CHLSN: variants seen among roughly 807,000 people sequenced by gnomAD.
CHLSN encodes the protein cholesin, also known as protein cholesin.
the CHLSN span, chr7:1,091,613 C>G: frequency 2.3e-6 from 2 of 872,072 alleles, no homozygotes; most frequent in African/African-American, 3.4e-5. Flanking sequence ...TCCTGTCTGA[C>G]AAATGCCAGG....
the CHLSN span, among the ~76,000 whole-genome samples, chr7:1,008,884 G>A: frequency 9.6e-6 from 1 of 103,984 alleles, no homozygotes; most frequent in African/African-American, 5.0e-5. Flanking sequence ...CGCAACACTC[G>A]TATACACATG....
the CHLSN span, among the ~76,000 whole-genome samples, chr7:1,051,685 A>G: frequency 6.6e-6 from 1 of 152,262 alleles, no homozygotes; most frequent in Admixed American, 6.5e-5. Flanking sequence ...TTTAAAAAAC[A>G]AAAACAGGTC....
chr7:1,094,653 A>C, the CHLSN span, among the ~76,000 whole-genome samples: 2 of 152,064 alleles, frequency 1.3e-5, no homozygotes, highest in African/African-American at 4.8e-5. Context: ...TCCATGGGAC[A>C]TAACATAACC....
the CHLSN span, among the ~76,000 whole-genome samples, chr7:1,063,420 G>C: frequency 6.6e-6 from 1 of 152,192 alleles, no homozygotes; most frequent in Non-Finnish European, 1.5e-5. Flanking sequence ...GCTGCTCCTG[G>C]GGTGTGCGTC....
At chr7:1,135,969 G>GTATATATAAATATATAAGTATATATAAA in the CHLSN span, among the ~76,000 whole-genome samples, 1 of 91,610 alleles carries the variant, frequency 1.1e-5, no homozygotes, top group African/African-American at 4.6e-5. Context: ...ATATATATAA[G>GTATATATAAATATATAAGTATATATAAA]TATATATAAA....
the CHLSN span, among the ~76,000 whole-genome samples, chr7:991,453 T>C: frequency 1.1e-3 from 114 of 102,672 alleles, no homozygotes; most frequent in African/African-American, 5.0e-3. Context: ...CTCATGCCCA[T>C]GGGCGTGGGC....
the CHLSN span, among the ~76,000 whole-genome samples, chr7:1,103,087 G>A: frequency 5.3e-5 from 8 of 152,218 alleles, no homozygotes; most frequent in Non-Finnish European, 1.0e-4. Context: ...TCTGGATGGG[G>A]TCTCCCGGGC....
At chr7:1,053,862 T>C in the CHLSN span, among the ~76,000 whole-genome samples, 1 of 152,080 alleles carries the variant, frequency 6.6e-6, no homozygotes, top group African/African-American at 2.4e-5. Flanking sequence ...ACCATACACT[T>C]CATGCTCACT....
chr7:1,005,947 C>T, the CHLSN span, among the ~76,000 whole-genome samples: 1 of 152,258 alleles, frequency 6.6e-6, no homozygotes, highest in Admixed American at 6.5e-5. Flanking sequence ...AGGCAGCGGT[C>T]ACCTCGCCAC....
the CHLSN span, among the ~76,000 whole-genome samples, chr7:1,036,835 C>T: frequency 2.0e-5 from 3 of 148,224 alleles, no homozygotes; most frequent in Admixed American, 6.7e-5. Flanking sequence ...GACGGCCAAG[C>T]GTGGTGGCTC....
the CHLSN span, among the ~76,000 whole-genome samples, chr7:1,008,254 A>C: frequency 6.6e-6 from 1 of 152,144 alleles, no homozygotes; most frequent in Non-Finnish European, 1.5e-5. Context: ...CACCTTGCCC[A>C]CACCTGGGCT....
the CHLSN span, among the ~76,000 whole-genome samples, chr7:1,003,033 G>GA: frequency 9.5e-5 from 4 of 41,966 alleles, no homozygotes; most frequent in African/African-American, 1.1e-4. Flanking sequence ...TCCTGCGGGT[G>GA]GGGAGTCCTG....
chr7:1,038,682 A>G, the CHLSN span, among the ~76,000 whole-genome samples: 24 of 120,106 alleles, frequency 2.0e-4, no homozygotes, highest in Admixed American at 4.7e-4. Flanking sequence ...CCGCCTGGCC[A>G]GCCGCCCTGT....
the CHLSN span, among the ~76,000 whole-genome samples, chr7:1,002,061 A>T: frequency 1.1e-5 from 1 of 93,174 alleles, no homozygotes; most frequent in African/African-American, 4.4e-5. Context: ...GCGGGTGGGG[A>T]GTCCTGTGGG....
the CHLSN span, chr7:1,025,483 G>T: frequency 6.6e-6 from 1 of 152,332 alleles, no homozygotes; most frequent in East Asian, 1.9e-4. Flanking sequence ...TCAGGGAGGG[G>T]GACTCTGCCC....
chr7:1,080,279 C>G, the CHLSN span, among the ~76,000 whole-genome samples: 1 of 152,352 alleles, frequency 6.6e-6, no homozygotes, highest in Admixed American at 6.5e-5. Context: ...TTATAATAGA[C>G]ACAATCTGGA....
the CHLSN span, among the ~76,000 whole-genome samples, chr7:1,006,466 G>A: frequency 1.4e-5 from 2 of 143,468 alleles, no homozygotes; most frequent in South Asian, 2.2e-4. Context: ...CGGCCACAGC[G>A]CAGGGAAAGA....
At chr7:1,136,359 C>CATATAA in the CHLSN span, among the ~76,000 whole-genome samples, 1 of 29,346 alleles carries the variant, frequency 3.4e-5, no homozygotes, top group African/African-American at 1.8e-4. Context: ...TATATATAAA[C>CATATAA]ATATATATAA....
chr7:1,041,927 C>G, the CHLSN span, among the ~76,000 whole-genome samples: 5 of 152,162 alleles, frequency 3.3e-5, no homozygotes, highest in African/African-American at 1.2e-4. Flanking sequence ...TCAGAATAAG[C>G]AAGAAAGCCT....
Sources: allele counts gnomAD v4.1 joint callset (sites outside exome capture counted in the v4.1 genomes callset), GRCh38; gene constraint gnomAD v4.1.1; transcripts MANE v1.5; gene names NCBI Gene and HGNC (gene_info 2026-07-23, HGNC 2026-07-21).